PCDHGB6: variants seen among roughly 807,000 people sequenced by gnomAD.
PCDHGB6 encodes protocadherin gamma-B6.
PCDHGB6 carries 51 observed loss-of-function variants against 59.1 expected under a neutral mutation model. That is an observed-to-expected ratio of 0.86 (90% confidence interval 0.69 to 1.09). The LOEUF (loss-of-function observed/expected upper bound fraction) is 1.09, where lower values mean the gene tolerates loss of function less well. Among genes scored for constraint, PCDHGB6 ranks in the 50% least tolerant of loss-of-function variants. PCDHGB6 has a pLI of 0.00. For missense variants in PCDHGB6, 1,148 were observed against 1,205.1 expected (o/e 0.95, Z 0.70); for synonymous variants, 466 against 495.1 (o/e 0.94, Z 0.78).
At chr5:141,494,069 C>T (rs1249076667) in intron 1 of PCDHGB6, among the ~76,000 whole-genome samples, 1 of 152,146 alleles carries the variant, frequency 6.6e-6, no homozygotes, top group Non-Finnish European at 1.5e-5. Context: ...GAGCTGGATC[C>T]CTCCCCGCTG....
At chr5:141,449,920 A>G (rs1287640011) in intron 1 of PCDHGB6, among the ~76,000 whole-genome samples, 1 of 151,842 alleles carries the variant, frequency 6.6e-6, no homozygotes, top group East Asian at 1.9e-4. Context: ...TTTAAATTCT[A>G]CCATACCTTA....
chr5:141,462,198 G>C (rs2099034283), intron 1 of PCDHGB6, among the ~76,000 whole-genome samples: 1 of 152,182 alleles, frequency 6.6e-6, no homozygotes, highest in Non-Finnish European at 1.5e-5. Context: ...GACCTCAGGT[G>C]ATCCGCCTGC....
intron 1 of PCDHGB6, chr5:141,412,984 C>G: frequency 1.8e-6 from 1 of 558,874 alleles, no homozygotes; most frequent in Non-Finnish European, 3.0e-6. Flanking sequence ...GCAGCCAGAG[C>G]TCAATCCGGA....
intron 1 of PCDHGB6, among the ~76,000 whole-genome samples, chr5:141,448,831 G>C (rs985602153): frequency 4.6e-5 from 7 of 152,096 alleles, no homozygotes; most frequent in Non-Finnish European, 7.4e-5. Flanking sequence ...TGTAGTCCCA[G>C]CTACTCTGGA....
chr5:141,478,121 G>T lies in PCDHGB6; in HGVS notation c.2419-16686G>T. On this transcript the variant is annotated intron_variant, in intron 1 of 3. Coordinates refer to ENST00000520790, the MANE Select transcript of PCDHGB6 (RefSeq NM_018926.3). ...TACCCTCACTGTGTCAGTAACCGAG[G>T]ACTCTCCTGAAGCCCGAGCCGAGTT... 2.5e-6 allele frequency: 4 copies of T among 1,614,036 alleles called. No individual in the cohort carries two copies. In the African/African-American group the frequency reaches 4.0e-5, roughly 16 times the overall value.
intron 1 of PCDHGB6, among the ~76,000 whole-genome samples, chr5:141,465,422 G>T (rs74711061): frequency 6.6e-6 from 1 of 152,142 alleles, no homozygotes; most frequent in Non-Finnish European, 1.5e-5. Context: ...AGCACTGAAA[G>T]GTGGGCACTT....
rs1419365808 is a variant in PCDHGB6 at position 141,477,321 on chromosome 5, C to G, written c.2419-17486C>G. 1.2e-6 allele frequency: 2 copies of G among 1,614,160 alleles called. No homozygotes were observed. Among genetic ancestry groups the G allele is most frequent in the East Asian group, 4.5e-5 (2 of 44,874 alleles). On this transcript the variant is annotated intron_variant, in intron 1 of 3. Coordinates refer to ENST00000520790, the MANE Select transcript of PCDHGB6 (RefSeq NM_018926.3). The surrounding 1 kb of genome is among the most constrained non-coding windows in gnomAD (Gnocchi z 4.9). Reference sequence around the variant, plus strand: ...GGTCTCCCTTTCAGCCTTACTTCTTCCCTCAAGAATTACTTCACTTTGAAA... The same window carrying G: ...GGTCTCCCTTTCAGCCTTACTTCTTGCCTCAAGAATTACTTCACTTTGAAA...
intron 1 of PCDHGB6, among the ~76,000 whole-genome samples, chr5:141,435,383 G>A (rs1057246190): frequency 6.6e-6 from 1 of 152,016 alleles, no homozygotes; most frequent in South Asian, 2.1e-4. Flanking sequence ...ACAATATACC[G>A]TATTGCCATG....
chr5:141,463,018 T>C (rs1318740358), intron 1 of PCDHGB6, among the ~76,000 whole-genome samples: 1 of 152,212 alleles, frequency 6.6e-6, no homozygotes, highest in Admixed American at 6.5e-5. Flanking sequence ...AATTCTGACT[T>C]TTTTGATTAA....
At position 141,487,499 on chromosome 5, in the gene PCDHGB6, G is replaced by C; in HGVS notation, c.2419-7308G>C. 6.2e-7 allele frequency: 1 copy of C among 1,614,152 alleles called. No individual in the cohort carries two copies. The highest frequency in any genetic ancestry group is 1.3e-5 in the African/African-American group (1 of 75,042). ...CCACTCTCATGGCTGTACACCCTTG[G>C]CTTCTGCACCCACTCGGAGTGATAG... On this transcript the variant is annotated intron_variant, in intron 1 of 3. Coordinates refer to ENST00000520790, the MANE Select transcript of PCDHGB6 (RefSeq NM_018926.3). The surrounding 1 kb of genome is among the most constrained non-coding windows in gnomAD (Gnocchi z 5.0).
At chr5:141,499,007 AG>A (rs2099788320) in intron 2 of PCDHGB6, among the ~76,000 whole-genome samples, 1 of 151,128 alleles carries the variant, frequency 6.6e-6, no homozygotes, top group Non-Finnish European at 1.5e-5. Flanking sequence ...GAAGGAAGGA[AG>A]GAAGGAAGGA....
rs779949817 is a variant in PCDHGB6 at position 141,487,266 on chromosome 5, T to G, written c.2419-7541T>G. The G allele has an allele frequency of 6.2e-7, 1 of 1,614,054 alleles. No individual in the cohort carries two copies. The highest frequency in any genetic ancestry group is 8.5e-7 in the Non-Finnish European group (1 of 1,180,044). On this transcript the variant is annotated intron_variant, in intron 1 of 3. Transcript: ENST00000520790. This position sits in a 1 kb window ranked among gnomAD's most constrained non-coding sequence, Gnocchi z 5.0. The stretch of plus-strand genomic sequence containing the variant: ...ACCCTCTACTTGGCTGTGTCCCTAG[T>G]GGCAATTTGCTTTGTCTCCTTTGGC...
chr5:141,478,726 G>A, intron 1 of PCDHGB6: 2 of 1,540,996 alleles, frequency 1.3e-6, no homozygotes, highest in Non-Finnish European at 1.8e-6. Context: ...GCCTGCCAGA[G>A]TGTGGTTTGT....
At chr5:141,433,040 A>G in intron 1 of PCDHGB6, 1 of 1,614,086 alleles carries the variant, frequency 6.2e-7, no homozygotes, top group Non-Finnish European at 8.5e-7. Flanking sequence ...TTCCCTCACC[A>G]CGGACTCGCG....
Position 141,490,345 on chromosome 5 carries a change from G to C in PCDHGB6, c.2419-4462G>C, listed in dbSNP as rs2099698831. On this transcript the variant is annotated intron_variant, in intron 1 of 3. Coordinates refer to ENST00000520790, the MANE Select transcript of PCDHGB6 (RefSeq NM_018926.3). This position sits in a 1 kb window ranked among gnomAD's most constrained non-coding sequence, Gnocchi z 5.4. ...AGAGAGCACACCAGTGGGCACAGTA[G>C]TGGGGTTGTTTAATGTGCGAGACCG... is the stretch of plus-strand genomic sequence containing the variant. 1 of 1,614,216 alleles carries C rather than the reference G, an allele frequency of 6.2e-7. No homozygotes were observed. Among genetic ancestry groups the C allele is most frequent in the Non-Finnish European group, 8.5e-7 (1 of 1,180,034 alleles).
rs1216200329 is a variant in PCDHGB6, at chr5:141,491,485, C to G, written c.2419-3322C>G. ...CTTCTATAAGCAGTCCAGCCCCAAC[C>G]TGCAGGTGAGCTCGGACGGCACGCT... On this transcript the variant is annotated intron_variant, in intron 1 of 3. Coordinates refer to ENST00000520790, the MANE Select transcript of PCDHGB6 (RefSeq NM_018926.3). This position sits in a 1 kb window ranked among gnomAD's most constrained non-coding sequence, Gnocchi z 6.9. 6.2e-7 allele frequency: 1 copy of G among 1,614,148 alleles called. No individual in the cohort carries two copies. The highest frequency in any genetic ancestry group is 1.3e-5 in the African/African-American group (1 of 75,064).
chr5:141,478,199 C>G, intron 1 of PCDHGB6: 1 of 1,614,056 alleles, frequency 6.2e-7, no homozygotes, highest in Non-Finnish European at 8.5e-7. Flanking sequence ...CTTTTATCTA[C>G]TTCTTTCTCT....
intron 2 of PCDHGB6, among the ~76,000 whole-genome samples, chr5:141,501,506 G>A (rs770097282): frequency 1.3e-5 from 2 of 151,864 alleles, no homozygotes; most frequent in Non-Finnish European, 2.9e-5. Context: ...GGGGCTCCAA[G>A]GCCTCCAAGC....
intron 1 of PCDHGB6, among the ~76,000 whole-genome samples, chr5:141,471,706 A>G (rs2099262749): frequency 6.6e-6 from 1 of 152,212 alleles, no homozygotes; most frequent in African/African-American, 2.4e-5. Context: ...CTGGAATAGA[A>G]GTGCCACTTA....
Sources: allele counts gnomAD v4.1 joint callset (sites outside exome capture counted in the v4.1 genomes callset), GRCh38; gene constraint gnomAD v4.1.1; non-coding constraint Gnocchi (gnomAD v3.1); transcripts MANE v1.5; gene names NCBI Gene and HGNC (gene_info 2026-07-23, HGNC 2026-07-21).